The following MYOM2 variants were observed in gnomAD, a reference collection of about 807,000 sequenced individuals.
MYOM2 encodes myomesin-2.
MYOM2 carries 254 observed loss-of-function variants against 187.6 expected under a neutral mutation model. That is an observed-to-expected ratio of 1.35 (90% CI 1.22 to 1.50). The LOEUF (loss-of-function observed/expected upper bound fraction) is 1.50, where lower values mean the gene tolerates loss of function less well. Among genes scored for constraint, MYOM2 ranks in the 40% most tolerant of loss-of-function variants. The pLI is 0.00. For missense variants in MYOM2, 2,796 were observed against 1,924.0 expected (o/e 1.45, Z -8.48); for synonymous variants, 981 against 753.8 (o/e 1.30, Z -4.94).
In MYOM2 at chr8:2,081,356, G is replaced by T. The variant is rs1819620830; in HGVS notation, c.1516+1743G>T. ...GCCTGCGGGAGGAACAGGCAGCCCA[G>T]CCCATGTAGAATGAGGTTTGGTTCT... On this transcript the variant is annotated intron_variant, in intron 13 of 36. Coordinates refer to ENST00000262113, the MANE Select transcript of MYOM2 (RefSeq NM_003970.4). Among the ~76,000 whole-genome samples the T allele has an allele frequency of 1.4e-5, 2 of 139,308 alleles. 1 individual carries two copies. Among genetic ancestry groups the T allele is most frequent in the Non-Finnish European group, 3.1e-5 (2 of 65,210 alleles). The allele number at this position is 139,308 out of a possible 152,430, so 91.4% of individuals were successfully genotyped here. A position where few individuals can be genotyped will look rare whatever the true frequency, so the allele number is the denominator to read the frequency against.
intron 6 of MYOM2, 91 bp downstream of exon 6, chr8:2,059,336 A>C: frequency 9.1e-7 from 1 of 1,098,800 alleles, no homozygotes; most frequent in Non-Finnish European, 1.3e-6. Flanking sequence ...CTGGAGGCCA[A>C]ATCACACCTG....
intron 32 of MYOM2, among the ~76,000 whole-genome samples, chr8:2,139,176 T>C (rs1798189750): frequency 6.6e-6 from 1 of 152,190 alleles, no homozygotes; most frequent in East Asian, 1.9e-4. Context: ...TGTCTCGCTC[T>C]GTTGGCCAGG....
At position 2,116,949 on chromosome 8, in the gene MYOM2, CGG is replaced by C. The variant is rs1797267441; in HGVS notation, c.3385+675_3385+676del. Among the ~76,000 whole-genome samples the C allele has an allele frequency of 1.4e-3, 14 of 9,688 alleles. 1 individual carries two copies. Among genetic ancestry groups the C allele is most frequent in the South Asian group, 7.8e-3 (4 of 514 alleles). The allele number at this position is 9,688 out of a possible 152,430, so 6.4% of individuals were successfully genotyped here. On this transcript the variant is annotated intron_variant, in intron 27 of 36. Transcript: ENST00000262113. ...ATTTTTTCTGTATTTTTAGTAGAGA[CGG>C]ACGGGGTTTCACCGTGTTAACCAGG...
At chr8:2,137,581 T>TGC (rs1554437074) in intron 32 of MYOM2, among the ~76,000 whole-genome samples, 2 of 151,718 alleles carry the variant, frequency 1.3e-5, no homozygotes, top group African/African-American at 4.9e-5. Context: ...TGTGTGTGTG[T>TGC]GCATTTGTTT....
At chr8:2,134,627 C>G (rs1328642091) in intron 32 of MYOM2, among the ~76,000 whole-genome samples, 2 of 152,092 alleles carry the variant, frequency 1.3e-5, no homozygotes, top group Non-Finnish European at 2.9e-5. Flanking sequence ...GCTGGCCTCT[C>G]CTCTGTGCAT....
At chr8:2,137,491 T>C (rs5029671) in intron 32 of MYOM2, among the ~76,000 whole-genome samples, 26,407 of 151,362 alleles carry the variant, frequency 0.17, 4,516 homozygotes, top group African/African-American at 0.44. Context: ...TGTGTGGAGG[T>C]TCAGGCTGGA....
chr8:2,130,855 G>C (rs1368376878), intron 32 of MYOM2, among the ~76,000 whole-genome samples: 1 of 152,144 alleles, frequency 6.6e-6, no homozygotes, highest in Non-Finnish European at 1.5e-5. Context: ...TTATTTTGTG[G>C]GACAATGAGT....
At chr8:2,075,257 C>T (rs74621827) in intron 10 of MYOM2, among the ~76,000 whole-genome samples, 18 of 152,258 alleles carry the variant, frequency 1.2e-4, no homozygotes, top group African/African-American at 2.2e-4. Context: ...ATGTCCCTTC[C>T]GTCTTCTGCA....
intron 31 of MYOM2, 106 bp downstream of exon 31, chr8:2,124,323 C>T (rs918673481): frequency 3.1e-5 from 36 of 1,177,056 alleles, no homozygotes; most frequent in East Asian, 5.1e-5. Context: ...AGCTGTGGTG[C>T]GTGTTCTGTG....
At chr8:2,130,531 G>T (rs1797828384) in intron 32 of MYOM2, among the ~76,000 whole-genome samples, 1 of 152,208 alleles carries the variant, frequency 6.6e-6, no homozygotes, top group African/African-American at 2.4e-5. Flanking sequence ...AATATCACTG[G>T]TTTGCTTAGG....
At chr8:2,107,282 A>G (rs5015577) in intron 23 of MYOM2, among the ~76,000 whole-genome samples, 31,599 of 152,124 alleles carry the variant, frequency 0.21, 4,006 homozygotes, top group Non-Finnish European at 0.27. Flanking sequence ...GCAGTGGTGC[A>G]GCGTGAACTC....
intron 6 of MYOM2, among the ~76,000 whole-genome samples, chr8:2,061,253 C>T (rs1256669943): frequency 2.0e-5 from 3 of 150,962 alleles, no homozygotes; most frequent in African/African-American, 7.3e-5. Context: ...CCGTCCAGCC[C>T]AGTGTTTAGT....
At chr8:2,138,488 C>T (rs1294852232) in intron 32 of MYOM2, among the ~76,000 whole-genome samples, 1 of 152,212 alleles carries the variant, frequency 6.6e-6, no homozygotes, top group South Asian at 2.1e-4. Flanking sequence ...TCTCCCGCCT[C>T]TTTCCGGGGA....
rs1797473700 is a variant in MYOM2, at chr8:2,121,940, C to T, written c.3454-1312C>T. 3.9e-5 allele frequency among the ~76,000 whole-genome samples: 6 copies of T among 152,118 alleles called. No homozygotes were observed. The South Asian group carries it at 1.2e-3, about 32-fold the overall frequency. On this transcript the variant is annotated intron_variant, in intron 28 of 36. Transcript: ENST00000262113. ...ATGGTAGAGAGAATTTGAGGGAGTG[C>T]AGAGAAGAAACAAATGAGTTATTTT... is the stretch of plus-strand genomic sequence containing the variant.
chr8:2,144,985 C>T lies in MYOM2; in HGVS notation c.*4C>T, dbSNP rs564038049. 5.6e-6 allele frequency: 9 copies of T among 1,612,592 alleles called. No individual in the cohort carries two copies. Among genetic ancestry groups the T allele is most frequent in the African/African-American group, 5.3e-5 (4 of 74,874 alleles). Reference sequence around the variant, plus strand: ...TGCCTCAGCGGCAGGCCAGTGAAGGCGTTTTCCTAGCCTGGAGATGGGAAA... The same window carrying T: ...TGCCTCAGCGGCAGGCCAGTGAAGGTGTTTTCCTAGCCTGGAGATGGGAAA... On this transcript the variant is annotated 3_prime_UTR_variant, in exon 37 of 37. Coordinates refer to ENST00000262113, the MANE Select transcript of MYOM2 (RefSeq NM_003970.4).
intron 6 of MYOM2, among the ~76,000 whole-genome samples, chr8:2,060,269 C>G (rs1818808479): frequency 6.6e-6 from 1 of 152,114 alleles, no homozygotes; most frequent in Non-Finnish European, 1.5e-5. Flanking sequence ...AGCCAGAAGG[C>G]CACATTTACC....
chr8:2,134,961 G>C (rs1798016901), intron 32 of MYOM2, among the ~76,000 whole-genome samples: 1 of 152,082 alleles, frequency 6.6e-6, no homozygotes, highest in Non-Finnish European at 1.5e-5. Flanking sequence ...AGACAGGACT[G>C]GGTGATGTGT....
intron 27 of MYOM2, among the ~76,000 whole-genome samples, chr8:2,116,566 A>G (rs984003670): frequency 5.3e-5 from 8 of 152,226 alleles, no homozygotes; most frequent in African/African-American, 1.9e-4. Flanking sequence ...TTTGAAATGT[A>G]GAGAAGGCAG....
chr8:2,080,493 C>A (rs1032863707), intron 13 of MYOM2, among the ~76,000 whole-genome samples: 2 of 152,176 alleles, frequency 1.3e-5, no homozygotes, highest in African/African-American at 2.4e-5. Context: ...AAAAGAAGAC[C>A]GTTGAGAGTT....
Sources: gnomAD v4.1 joint callset for allele counts (sites outside exome capture counted in the v4.1 genomes callset) on GRCh38, gnomAD v4.1.1 for gene constraint, MANE v1.5 for transcripts, NCBI Gene and HGNC (gene_info 2026-07-23, HGNC 2026-07-21) for gene names.